CHRM2: variants seen among roughly 807,000 people sequenced by gnomAD.
The protein encoded by CHRM2 is cholinergic receptor muscarinic 2.
Under a neutral mutation model 25.0 loss-of-function variants are expected in CHRM2, and 8 were observed. The observed-to-expected ratio is 0.32, with a 90% CI of 0.19 to 0.58. CHRM2 has a LOEUF of 0.58. Ranked by LOEUF, CHRM2 falls within the 20% of genes least tolerant of loss-of-function variation. The pLI, the probability that CHRM2 is intolerant of heterozygous loss-of-function variation, is 0.88. For missense variants in CHRM2, 440 were observed against 567.1 expected (o/e 0.78, Z 2.28); for synonymous variants, 202 against 205.7 (o/e 0.98, Z 0.15).
intron 2 of CHRM2, among the ~76,000 whole-genome samples, chr7:136,950,810 T>A (rs951567906): frequency 2.2e-4 from 33 of 151,998 alleles, no homozygotes; most frequent in African/African-American, 6.7e-4. Context: ...GTTGTTGTTG[T>A]TGTTGTTGTT....
intron 2 of CHRM2, among the ~76,000 whole-genome samples, chr7:136,923,827 G>C (rs1018947464): frequency 2.0e-5 from 3 of 152,012 alleles, no homozygotes; most frequent in Non-Finnish European, 4.4e-5. Flanking sequence ...TGGGCAACCA[G>C]GCAAGAGCCC....
intron 3 of CHRM2, among the ~76,000 whole-genome samples, chr7:136,994,521 CTTTTTTTT>C (rs757243972): frequency 9.8e-5 from 7 of 71,372 alleles, no homozygotes; most frequent in African/African-American, 1.7e-4. Flanking sequence ...TTTTTCTTTT[CTTTTTTTT>C]TTTTTTTTTT....
At chr7:136,955,306 A>G (rs548805878) in intron 2 of CHRM2, among the ~76,000 whole-genome samples, 3 of 152,300 alleles carry the variant, frequency 2.0e-5, no homozygotes, top group Non-Finnish European at 4.4e-5. Context: ...CTGAATAATA[A>G]TGTTATGAGT....
At chr7:136,904,500 A>T (rs912911701) in intron 2 of CHRM2, among the ~76,000 whole-genome samples, 1 of 151,794 alleles carries the variant, frequency 6.6e-6, no homozygotes, top group Non-Finnish European at 1.5e-5. Context: ...TCTTTTTCCC[A>T]ATATTAAATG....
chr7:136,930,564 A>C (rs936631804), intron 2 of CHRM2, among the ~76,000 whole-genome samples: 1 of 148,934 alleles, frequency 6.7e-6, no homozygotes, highest in African/African-American at 2.5e-5. Flanking sequence ...TTAATTCTGC[A>C]GCTAAAATCA....
chr7:136,985,602 A>C (rs770246046), intron 2 of CHRM2, among the ~76,000 whole-genome samples: 2 of 152,056 alleles, frequency 1.3e-5, no homozygotes, highest in Non-Finnish European at 2.9e-5. Context: ...TATCAATCTA[A>C]GACAGGATTA....
intron 2 of CHRM2, among the ~76,000 whole-genome samples, chr7:136,945,406 G>A (rs6467695): frequency 0.67 from 101,314 of 151,960 alleles, 34,526 homozygotes; most frequent in African/African-American, 0.78. Flanking sequence ...TGCTTTTAGT[G>A]TACGGTGAGA....
intron 2 of CHRM2, among the ~76,000 whole-genome samples, chr7:136,921,794 C>T (rs1424389): frequency 0.47 from 55,057 of 116,456 alleles, 15,130 homozygotes; most frequent in African/African-American, 0.62. Flanking sequence ...TTCTTTCTTT[C>T]TTTTTTTTGA....
At chr7:137,012,297 C>A (rs1357429595) in intron 3 of CHRM2, among the ~76,000 whole-genome samples, 1 of 151,896 alleles carries the variant, frequency 6.6e-6, no homozygotes, top group Non-Finnish European at 1.5e-5. Context: ...GGAATAAGAA[C>A]TGGGATAATA....
At chr7:136,984,406 C>T (rs545931298) in intron 2 of CHRM2, among the ~76,000 whole-genome samples, 3 of 152,192 alleles carry the variant, frequency 2.0e-5, no homozygotes, top group Non-Finnish European at 2.9e-5. Context: ...TGAGCAAGAC[C>T]ACTTGGCTCC....
In CHRM2 at chr7:136,938,171, C is replaced by G. The variant is rs1443235821; in HGVS notation, c.-124-54016C>G. 8.4e-6 allele frequency: 6 copies of G among 710,510 alleles called. No homozygotes were observed. In the African/African-American group the frequency reaches 8.7e-5, roughly 10 times the overall value. 44.0% of individuals were successfully genotyped at this position (710,510 alleles called of 1,614,324 possible). A position where few individuals can be genotyped will look rare whatever the true frequency, so the allele number is the denominator to read the frequency against. On this transcript the variant is annotated intron_variant, in intron 2 of 3. Coordinates refer to ENST00000680005, the MANE Select transcript of CHRM2 (RefSeq NM_001006630.2). ...AGGATCTGAATACTATCTCTGCCCA[C>G]TCTTCTGGAAGAGTCCATCGCACAG...
chr7:136,917,821 T>C (rs549248988), intron 2 of CHRM2, among the ~76,000 whole-genome samples: 32 of 152,140 alleles, frequency 2.1e-4, no homozygotes, highest in Non-Finnish European at 4.0e-4. Flanking sequence ...GGTAGGCTTA[T>C]TAGGGTAAAG....
intron 2 of CHRM2, among the ~76,000 whole-genome samples, chr7:136,953,353 G>T (rs1800528719): frequency 6.6e-6 from 1 of 152,132 alleles, no homozygotes; most frequent in Non-Finnish European, 1.5e-5. Flanking sequence ...AGAGACCTCA[G>T]TAGAGTCCTG....
At chr7:136,919,618 C>T (rs1481324533) in intron 2 of CHRM2, among the ~76,000 whole-genome samples, 3 of 152,068 alleles carry the variant, frequency 2.0e-5, no homozygotes, top group Non-Finnish European at 4.4e-5. Context: ...CTCTCTCTCC[C>T]TACCATGCTT....
chr7:136,890,274 A>G (rs529475437), intron 2 of CHRM2, among the ~76,000 whole-genome samples: 1 of 152,310 alleles, frequency 6.6e-6, no homozygotes, highest in South Asian at 2.1e-4. Context: ...ATGGACTCCG[A>G]ACTATAACGT....
At chr7:136,898,338 C>T (rs771582423) in intron 2 of CHRM2, among the ~76,000 whole-genome samples, 27 of 152,132 alleles carry the variant, frequency 1.8e-4, no homozygotes, top group Non-Finnish European at 3.7e-4. Context: ...ATAGGCTATG[C>T]CCAATGACAA....
chr7:136,979,687 A>G (rs1802354367), intron 2 of CHRM2, among the ~76,000 whole-genome samples: 1 of 152,162 alleles, frequency 6.6e-6, no homozygotes, highest in African/African-American at 2.4e-5. Context: ...TCCCAACACC[A>G]TTTATTAAAT....
intron 2 of CHRM2, among the ~76,000 whole-genome samples, chr7:136,976,163 T>A (rs1802092984): frequency 6.6e-6 from 1 of 152,092 alleles, no homozygotes; most frequent in African/African-American, 2.4e-5. Flanking sequence ...AAGCATGGAG[T>A]ATATTTAGGG....
At chr7:136,902,868 C>T in intron 2 of CHRM2, 1 of 312,374 alleles carries the variant, frequency 3.2e-6, no homozygotes, top group African/African-American at 2.2e-5. Context: ...AACTGCAGAG[C>T]ACAGAATTTT....
Sources: allele counts gnomAD v4.1 joint callset (sites outside exome capture counted in the v4.1 genomes callset), GRCh38; gene constraint gnomAD v4.1.1; transcripts MANE v1.5; gene names NCBI Gene and HGNC (gene_info 2026-07-23, HGNC 2026-07-21).